The following LAMA1 variants were observed in gnomAD, a reference collection of about 807,000 sequenced individuals.
LAMA1 encodes laminin subunit alpha 1, also known as laminin subunit alpha-1.
A neutral mutation model predicts 348.7 loss-of-function variants in LAMA1; 219 were observed. That is an observed-to-expected ratio of 0.63 (90% CI 0.56 to 0.70). LAMA1 has a LOEUF of 0.70. Among genes scored for constraint, LAMA1 ranks in the 30% least tolerant of loss-of-function variants. The probability of loss-of-function intolerance (pLI) is 0.00; values close to 1 mark genes in which losing one functional copy is unlikely to be tolerated. For missense variants in LAMA1, 3,744 were observed against 3,888.0 expected (o/e 0.96, Z 0.99); for synonymous variants, 1,487 against 1,491.0 (o/e 1.00, Z 0.06).
chr18:7,042,886 A>T (rs2058026695), intron 8 of LAMA1: 2 of 255,952 alleles, frequency 7.8e-6, no homozygotes, highest in South Asian at 1.0e-4. Context: ...CGTCTCAAAA[A>T]ATAAAAATTA....
Position 7,016,537 on chromosome 18 carries a change from G to A in LAMA1, c.2943C>T (p.Asp981=). 4.3e-6 allele frequency: 7 copies of A among 1,614,186 alleles called. No homozygotes were observed. Among genetic ancestry groups the A allele is most frequent in the Non-Finnish European group, 3.4e-6 (4 of 1,180,042 alleles). ...CVPGVAGKRC[D]RCAHGFYAYQ... ...AGGCGTAGAAGCCATGGGCACACCT[G>A]TCACACCTTTTCCCTGCCACACCTG... The change falls in exon 21 of 63, where the codon GAC becomes GAT. Residue 981 remains aspartate (D), a synonymous_variant. Coordinates refer to ENST00000389658, the MANE Select transcript of LAMA1 (RefSeq NM_005559.4).
intron 40 of LAMA1, 137 bp downstream of exon 40, chr18:6,982,962 G>T: frequency 1.8e-6 from 2 of 1,140,690 alleles, no homozygotes; most frequent in East Asian, 2.4e-5. Flanking sequence ...CAGATCATAT[G>T]ATGACAGAAG....
chr18:7,025,082 C>A (rs1246236000), intron 17 of LAMA1, among the ~76,000 whole-genome samples: 1 of 152,176 alleles, frequency 6.6e-6, no homozygotes, highest in Non-Finnish European at 1.5e-5. Flanking sequence ...ACTGGGAATT[C>A]TTTGAGAGTG....
In LAMA1 at chr18:6,958,531, A is replaced by C. The variant is rs1215905828; in HGVS notation, c.7910T>G (p.Leu2637Arg). 1 of 1,614,190 alleles carries C rather than the reference A, an allele frequency of 6.2e-7. No individual in the cohort carries two copies. The highest frequency in any genetic ancestry group is 1.1e-5 in the South Asian group (1 of 91,084). ...GIPEGEGTSL[L>R]TMRRSFHGCI... ...GCCATGGAACGATCTTCTCATTGTGAGCAGTGACGTCCCCTCTCCCTCTGG... is the reference window on the plus strand; with the variant it reads ...GCCATGGAACGATCTTCTCATTGTGCGCAGTGACGTCCCCTCTCCCTCTGG... Residue 2637 changes from leucine (L) to arginine (R), a missense_variant, in exon 55 of 63, where the codon CTC becomes CGC. Leu to Arg is a moderately radical substitution (Grantham distance 102, BLOSUM62 -2). Coordinates refer to ENST00000389658, the MANE Select transcript of LAMA1 (RefSeq NM_005559.4).
intron 1 of LAMA1, among the ~76,000 whole-genome samples, chr18:7,114,088 A>AG (rs1598326701): frequency 6.6e-6 from 1 of 151,974 alleles, no homozygotes; most frequent in Non-Finnish European, 1.5e-5. Context: ...AAAAAAAAAA[A>AG]AAAAGAAAAA....
intron 3 of LAMA1, among the ~76,000 whole-genome samples, chr18:7,055,295 A>T (rs914507857): frequency 6.6e-6 from 1 of 151,902 alleles, no homozygotes. Context: ...TACTAAAAAA[A>T]TACAAAAATT....
intron 1 of LAMA1, among the ~76,000 whole-genome samples, chr18:7,099,022 G>C (rs2058279098): frequency 6.6e-6 from 1 of 152,148 alleles, no homozygotes; most frequent in African/African-American, 2.4e-5. Flanking sequence ...TTGTGGAATA[G>C]AAAGGGGGGA....
At position 7,068,406 on chromosome 18, in the gene LAMA1, C is replaced by T. The variant is rs181436658; in HGVS notation, c.345+11569G>A. On this transcript the variant is annotated intron_variant, in intron 3 of 62. Transcript: ENST00000389658. ...ACTAAGGGCTTAATGTGAATCCGAT[C>T]GTTGTCTTGTTCATCGATGAATCCT... Among the ~76,000 whole-genome samples, 110 of 152,280 alleles carry T rather than the reference C, an allele frequency of 7.2e-4. 3 individuals are homozygous for T. The East Asian group carries it at 0.018, about 25-fold the overall frequency.
intron 30 of LAMA1, 130 bp downstream of exon 30, chr18:7,002,134 A>T: frequency 8.2e-7 from 1 of 1,226,552 alleles, no homozygotes; most frequent in Non-Finnish European, 1.1e-6. Flanking sequence ...ACCTTTTCTT[A>T]AAATTAGCCT....
chr18:7,015,140 A>G (rs899056487), intron 22 of LAMA1, among the ~76,000 whole-genome samples: 5 of 152,092 alleles, frequency 3.3e-5, no homozygotes, highest in Non-Finnish European at 5.9e-5. Flanking sequence ...GAGCCACCGC[A>G]CCCAGCCATT....
rs1401819215 is a variant in LAMA1, at chr18:6,985,587, T to C, written c.5436A>G (p.Gln1812=). ...EQNLTSELIV[Q]GRGLIDAAAA... Reference sequence around the variant, plus strand: ...CAGCAGCATCTATCAATCCTCTTCCTTGGACAATGAGCTCTGAGGTCAGAT... The same window carrying C: ...CAGCAGCATCTATCAATCCTCTTCCCTGGACAATGAGCTCTGAGGTCAGAT... Residue 1812 remains glutamine, a synonymous_variant, in exon 38 of 63, where the codon CAA becomes CAG. Transcript: ENST00000389658. 6.2e-7 allele frequency: 1 copy of C among 1,614,052 alleles called. No individual in the cohort carries two copies. The highest frequency in any genetic ancestry group is 8.5e-7 in the Non-Finnish European group (1 of 1,180,024).
chr18:6,955,034 G>C (rs1430842699), intron 57 of LAMA1: 1 of 391,500 alleles, frequency 2.6e-6, no homozygotes, highest in Non-Finnish European at 4.8e-6. Context: ...AAAGTGGAAT[G>C]GGGTTGAAAG....
chr18:7,034,572 T>C lies in LAMA1; in HGVS notation c.1958A>G (p.Gln653Arg). 9 of 1,614,214 alleles carry C rather than the reference T, an allele frequency of 5.6e-6. No individual in the cohort carries two copies. The highest frequency in any genetic ancestry group is 7.6e-6 in the Non-Finnish European group (9 of 1,180,044). Residue 653 changes from glutamine (Q) to arginine (R), a missense_variant, in exon 14 of 63, where the codon CAG becomes CGG. Physicochemically the swap from Gln to Arg is conservative, Grantham distance 43. Transcript: ENST00000389658. ...ENFQDFHSKR[Q>R]IDRDQLMTVL... Reference sequence around the variant, plus strand: ...AGTCATCAGCTGGTCACGATCAATCTGCCTTTTGCTGTGAAAATCTTGGAA... The same window carrying C: ...AGTCATCAGCTGGTCACGATCAATCCGCCTTTTGCTGTGAAAATCTTGGAA...
At position 7,043,983 on chromosome 18, in the gene LAMA1, G is replaced by A. The variant is rs775176018; in HGVS notation, c.977-578C>T. 6.6e-5 allele frequency among the ~76,000 whole-genome samples: 10 copies of A among 151,946 alleles called. No individual in the cohort carries two copies. In the East Asian group the frequency reaches 1.9e-3, roughly 29 times the overall value. On this transcript the variant is annotated intron_variant, in intron 7 of 62. Transcript: ENST00000389658. ...ATCCTGGCTAACACAGTGAAACCCC[G>A]TCTCTACTAAAAATACAAAAAAATT...
chr18:7,058,971 C>A (rs2058092788), intron 3 of LAMA1, among the ~76,000 whole-genome samples: 1 of 152,120 alleles, frequency 6.6e-6, no homozygotes, highest in Non-Finnish European at 1.5e-5. Context: ...CTCACTGCAA[C>A]CTCTGCCTCC....
At position 7,043,142 on chromosome 18, in the gene LAMA1, C is replaced by G; in HGVS notation, c.1155+85G>C. On this transcript the variant is annotated intron_variant, in intron 8 of 62. Coordinates refer to ENST00000389658, the MANE Select transcript of LAMA1 (RefSeq NM_005559.4). ...ATAAATGAAATATTACAAAAGTCTC[C>G]AATACAGAGGTTAAGACTTGACAAA... 2.3e-6 allele frequency: 3 copies of G among 1,311,616 alleles called. No individual in the cohort carries two copies. The East Asian group carries it at 6.9e-5, about 30-fold the overall frequency. 81.2% of individuals were successfully genotyped at this position (1,311,616 alleles called of 1,614,324 possible). A position where few individuals can be genotyped will look rare whatever the true frequency, so the allele number is the denominator to read the frequency against.
chr18:6,966,031 TG>T (rs747892742), intron 49 of LAMA1, 115 bp downstream of exon 49: 9 of 1,119,106 alleles, frequency 8.0e-6, no homozygotes, highest in Non-Finnish European at 1.2e-5. Flanking sequence ...TCATAAAAAT[TG>T]TATGGTATAC....
chr18:7,027,142 T>C (rs1229172667), intron 16 of LAMA1, among the ~76,000 whole-genome samples: 1 of 152,154 alleles, frequency 6.6e-6, no homozygotes, highest in Non-Finnish European at 1.5e-5. Flanking sequence ...AAGGATGCTA[T>C]ACAGGACATA....
At chr18:6,982,463 C>T (rs1394130060) in intron 41 of LAMA1, 34 bp downstream of exon 41, 5 of 1,573,018 alleles carry the variant, frequency 3.2e-6, no homozygotes, top group Non-Finnish European at 4.4e-6. Context: ...CACGCTCACT[C>T]TGCCTGTCTA....
Sources: gnomAD v4.1 joint callset for allele counts (sites outside exome capture counted in the v4.1 genomes callset) on GRCh38, gnomAD v4.1.1 for gene constraint, MANE v1.5 for transcripts, NCBI Gene and HGNC (gene_info 2026-07-23, HGNC 2026-07-21) for gene names.